Variants in PAK5 observed in about 807,000 individuals in gnomAD.
PAK5 encodes the protein p21 (RAC1) activated kinase 5.
Under a neutral mutation model 65.9 loss-of-function variants are expected in PAK5, and 16 were observed. That is an observed-to-expected ratio of 0.24 (90% confidence interval 0.16 to 0.37). The LOEUF (loss-of-function observed/expected upper bound fraction) is 0.37, where lower values mean the gene tolerates loss of function less well. PAK5 is among the 10% of genes least tolerant of loss of function. The pLI, the probability that PAK5 is intolerant of heterozygous loss-of-function variation, is 1.00. For synonymous variants in PAK5, 371 were observed against 354.9 expected (o/e 1.05, Z -0.51); for missense variants, 785 against 903.9 (o/e 0.87, Z 1.69).
chr20:9,621,405 T>TAAAAA (rs33927046), intron 3 of PAK5, among the ~76,000 whole-genome samples: 1 of 118,140 alleles, frequency 8.5e-6, no homozygotes, highest in African/African-American at 3.4e-5. Flanking sequence ...CAGGACTGAT[T>TAAAAA]AAAAAAAAAA....
chr20:9,668,044 C>G (rs6086978), intron 2 of PAK5, among the ~76,000 whole-genome samples: 1 of 151,916 alleles, frequency 6.6e-6, no homozygotes, highest in Non-Finnish European at 1.5e-5. Context: ...TGAGTCATGA[C>G]AGCTTCCACT....
intron 1 of PAK5, among the ~76,000 whole-genome samples, chr20:9,727,864 C>G (rs906554302): frequency 2.0e-5 from 3 of 152,090 alleles, no homozygotes; most frequent in Non-Finnish European, 4.4e-5. Flanking sequence ...GTGCTACCTT[C>G]CTTTTTGGCA....
At chr20:9,619,346 T>C (rs369013631) in intron 3 of PAK5, among the ~76,000 whole-genome samples, 1 of 152,192 alleles carries the variant, frequency 6.6e-6, no homozygotes, top group African/African-American at 2.4e-5. Context: ...ATCTAGGACA[T>C]GGCAAGATAA....
chr20:9,636,678 T>G (rs2046986588), intron 3 of PAK5, among the ~76,000 whole-genome samples: 1 of 152,142 alleles, frequency 6.6e-6, no homozygotes, highest in Non-Finnish European at 1.5e-5. Context: ...TCAAAACAGC[T>G]GGTTTAGAGA....
intron 2 of PAK5, among the ~76,000 whole-genome samples, chr20:9,669,376 T>A (rs1393694007): frequency 6.6e-6 from 1 of 152,168 alleles, no homozygotes; most frequent in Non-Finnish European, 1.5e-5. Context: ...AAACTGAATT[T>A]CCCTTTTTAA....
intron 1 of PAK5, among the ~76,000 whole-genome samples, chr20:9,735,017 T>C (rs2048373542): frequency 6.6e-6 from 1 of 152,226 alleles, no homozygotes; most frequent in Non-Finnish European, 1.5e-5. Flanking sequence ...TTTTCATTTA[T>C]TGAATATTTA....
At chr20:9,684,372 A>G (rs189164644) in intron 2 of PAK5, among the ~76,000 whole-genome samples, 1 of 152,308 alleles carries the variant, frequency 6.6e-6, no homozygotes, top group Non-Finnish European at 1.5e-5. Context: ...GAGAATTTTG[A>G]AGCTGTTTGT....
At chr20:9,540,762 A>G (rs2045248883) in intron 9 of PAK5, among the ~76,000 whole-genome samples, 1 of 145,910 alleles carries the variant, frequency 6.9e-6, no homozygotes, top group Non-Finnish European at 1.5e-5. Context: ...TTGGAGACGT[A>G]GTCTCGCTGT....
At position 9,680,636 on chromosome 20, in the gene PAK5, C is replaced by T. The variant is rs6140998; in HGVS notation, c.-12+30650G>A. ...TTTCTACCCTGAAGTGTGCATGGCC[C>T]TGAGCATGTTTCTGTGACCAGAAAA... is the stretch of plus-strand genomic sequence containing the variant. On this transcript the variant is annotated intron_variant, in intron 2 of 9. Coordinates refer to ENST00000353224, the MANE Select transcript of PAK5 (RefSeq NM_177990.4). Among the ~76,000 whole-genome samples the T allele has an allele frequency of 6.0e-4, 92 of 152,260 alleles. No individual in the cohort carries two copies. The East Asian group carries it at 0.017, about 28-fold the overall frequency.
Position 9,679,714 on chromosome 20 carries a change from C to T in PAK5, c.-12+31572G>A, listed in dbSNP as rs79668019. Among the ~76,000 whole-genome samples, 642 of 152,212 alleles carry T rather than the reference C, an allele frequency of 4.2e-3. 2 individuals are homozygous for T. The highest frequency in any genetic ancestry group is 0.015 in the African/African-American group (608 of 41,532). ...TCAAGGACAATCTCTGAGAATAATA[C>T]GGTGCTCTCATTTCCCAACATCACT... On this transcript the variant is annotated intron_variant, in intron 2 of 9. Transcript: ENST00000353224.
chr20:9,586,882 A>G (rs1321650640), intron 3 of PAK5, among the ~76,000 whole-genome samples: 5 of 152,180 alleles, frequency 3.3e-5, no homozygotes, highest in African/African-American at 1.2e-4. Flanking sequence ...GATAAGAAAC[A>G]TTGTTTAAAA....
intron 1 of PAK5, among the ~76,000 whole-genome samples, chr20:9,824,619 T>C (rs1374154229): frequency 6.6e-6 from 1 of 152,140 alleles, no homozygotes; most frequent in African/African-American, 2.4e-5. Context: ...CCCATGTGTA[T>C]CTACACGGCA....
chr20:9,660,907 T>C (rs6118681), intron 2 of PAK5, among the ~76,000 whole-genome samples: 65,189 of 151,818 alleles, frequency 0.43, 15,327 homozygotes, highest in East Asian at 0.8. Context: ...TCAAGTGTGG[T>C]CGCAGACCAG....
At chr20:9,633,667 T>C (rs887833081) in intron 3 of PAK5, among the ~76,000 whole-genome samples, 1 of 152,196 alleles carries the variant, frequency 6.6e-6, no homozygotes, top group African/African-American at 2.4e-5. Flanking sequence ...GCTTCTGCTC[T>C]GGGAGTAGAG....
At chr20:9,799,623 A>G (rs1332835551) in intron 1 of PAK5, among the ~76,000 whole-genome samples, 3 of 151,980 alleles carry the variant, frequency 2.0e-5, no homozygotes, top group Non-Finnish European at 4.4e-5. Context: ...CTAAAATTCT[A>G]CTCTAATGAT....
intron 2 of PAK5, among the ~76,000 whole-genome samples, chr20:9,655,878 C>A (rs74445028): frequency 6.6e-6 from 1 of 152,222 alleles, no homozygotes; most frequent in African/African-American, 2.4e-5. Flanking sequence ...ATGACTTCTT[C>A]CCCCTACATA....
chr20:9,601,537 A>C (rs2046359310), intron 3 of PAK5, among the ~76,000 whole-genome samples: 1 of 152,140 alleles, frequency 6.6e-6, no homozygotes, highest in African/African-American at 2.4e-5. Flanking sequence ...GAGGTTCCAT[A>C]GCTTTTTTAG....
chr20:9,742,734 A>C (rs2123590760), intron 1 of PAK5, among the ~76,000 whole-genome samples: 1 of 152,328 alleles, frequency 6.6e-6, no homozygotes, highest in South Asian at 2.1e-4. Context: ...AGGCCTCAAA[A>C]GTTCCACCAA....
In PAK5 at chr20:9,557,721, G is replaced by A; in HGVS notation, c.1630C>T (p.Gln544Ter). Residue 544 changes from glutamine to a stop codon, truncating the protein, a stop_gained, in exon 7 of 10, where the codon CAG (glutamine) becomes TAG (stop). Transcript: ENST00000353224. LOFTEE classifies it high-confidence loss of function. The stretch of plus-strand genomic sequence containing the variant: ...ACTGACAGGCAGACAGTAGCTATCT[G>A]TTCTTCATTCATTCTGGAAAGGAAA... ...IVTHTRMNEEQIATVCLSVLR... is the reference protein window; with the variant it reads ...IVTHTRMNEE 2 of 1,611,396 alleles carry A rather than the reference G, an allele frequency of 1.2e-6. No homozygotes were observed. The highest frequency in any genetic ancestry group is 1.7e-6 in the Non-Finnish European group (2 of 1,177,928).
Sources: allele counts gnomAD v4.1 joint callset (sites outside exome capture counted in the v4.1 genomes callset), GRCh38; gene constraint gnomAD v4.1.1; transcripts MANE v1.5; gene names NCBI Gene and HGNC (gene_info 2026-07-23, HGNC 2026-07-21).